Variants in SOD2 observed in about 807,000 individuals in gnomAD.
The protein encoded by SOD2 is superoxide dismutase [Mn], mitochondrial.
Under a neutral mutation model 27.0 loss-of-function variants are expected in SOD2, and 11 were observed. That is an observed-to-expected ratio of 0.41 (90% confidence interval 0.26 to 0.67). SOD2 has a LOEUF of 0.67. Ranked by LOEUF, SOD2 falls within the 30% of genes least tolerant of loss-of-function variation. The probability of loss-of-function intolerance (pLI) is 0.34; values close to 1 mark genes in which losing one functional copy is unlikely to be tolerated. For synonymous variants in SOD2, 105 were observed against 103.0 expected (o/e 1.02, Z -0.12); for missense variants, 250 against 274.5 (o/e 0.91, Z 0.63).
In SOD2 at chr6:159,672,879, T is replaced by A. The variant is rs1779699210; in HGVS notation, c.*9614A>T. 1 of 148,524 alleles carries A rather than the reference T, an allele frequency of 6.7e-6. No homozygotes were observed. The highest frequency in any genetic ancestry group is 2.5e-5 in the African/African-American group (1 of 40,178). 9.2% of individuals were successfully genotyped at this position (148,524 alleles called of 1,614,324 possible). A position where few individuals can be genotyped will look rare whatever the true frequency, so the allele number is the denominator to read the frequency against. ...CGTACAGAGACACACACACATAGGC[T>A]CAAAATAAAAGGATGGAGGAAGATC... On this transcript the variant is annotated 3_prime_UTR_variant, in exon 5 of 5. Transcript: ENST00000538183.
At chr6:159,720,455 G>T (rs1413171386) in intron 1 of SOD2, 2 of 153,046 alleles carry the variant, frequency 1.3e-5, no homozygotes, top group South Asian at 1.8e-4. Flanking sequence ...AGCTCTAGTT[G>T]ATTTCGGTGT....
upstream of SOD2, among the ~76,000 whole-genome samples, chr6:159,729,445 T>G (rs965506158): frequency 7.2e-5 from 11 of 152,234 alleles, no homozygotes; most frequent in African/African-American, 2.7e-4. Context: ...TAACAAGATG[T>G]TCCATCTGAC....
At chr6:159,728,722 G>A (rs1408542504), upstream of SOD2, among the ~76,000 whole-genome samples, 1 of 152,220 alleles carries the variant, frequency 6.6e-6, no homozygotes, top group Non-Finnish European at 1.5e-5. Flanking sequence ...CATCTGATTA[G>A]CCAAGTCGGG....
intron 1 of SOD2, among the ~76,000 whole-genome samples, chr6:159,735,777 T>C: frequency 6.6e-6 from 1 of 151,918 alleles, no homozygotes; most frequent in Non-Finnish European, 1.5e-5. Context: ...ATATATAATA[T>C]ATCTAAAAAA....
intron 1 of SOD2, chr6:159,726,439 C>T (rs553592224): frequency 5.5e-6 from 1 of 181,982 alleles, no homozygotes; most frequent in East Asian, 1.7e-4. Context: ...AATAAATCAC[C>T]TTACTACAAG....
intron 1 of SOD2, among the ~76,000 whole-genome samples, chr6:159,711,813 TC>T (rs1258859348): frequency 9.1e-5 from 9 of 98,942 alleles, no homozygotes; most frequent in South Asian, 3.5e-4. Context: ...CATAACCACC[TC>T]CATAACCACC....
At chr6:159,693,093 GCCGCGAGCCC>G in intron 1 of SOD2, 42 bp downstream of exon 1, 2 of 1,514,820 alleles carry the variant, frequency 1.3e-6, no homozygotes, top group South Asian at 2.5e-5. Context: ...GGCCCTGCCC[GCCGCGAGCCC>G]CTTCGCCCTT....
chr6:159,698,571 CAAAAA>C (rs66652436), intron 1 of SOD2, among the ~76,000 whole-genome samples: 1,618 of 95,756 alleles, frequency 0.017, 36 homozygotes, highest in African/African-American at 0.05. Flanking sequence ...GACCTTGTCT[CAAAAA>C]AAAAAAAAAA....
chr6:159,735,234 A>G (rs7745398), intron 1 of SOD2, among the ~76,000 whole-genome samples: 47,048 of 151,982 alleles, frequency 0.31, 8,478 homozygotes, highest in African/African-American at 0.5. Flanking sequence ...TCCGCCTCCC[A>G]GGTTCAGGCG....
chr6:159,684,038 C>A (rs2758331), intron 4 of SOD2, among the ~76,000 whole-genome samples: 61,171 of 151,950 alleles, frequency 0.4, 13,616 homozygotes, highest in Non-Finnish European at 0.49. Context: ...TCCAATTAGG[C>A]TCAACAGCAA....
intron 1 of SOD2, among the ~76,000 whole-genome samples, chr6:159,740,148 A>T (rs1562458298): frequency 6.8e-6 from 1 of 146,842 alleles, no homozygotes; most frequent in Non-Finnish European, 1.5e-5. Flanking sequence ...CCTGGCCATG[A>T]TTTTTTTTTT....
exon 1 of SOD2, chr6:159,761,618 G>A (rs1444180279): frequency 2.2e-6 from 1 of 456,084 alleles, no homozygotes; most frequent in Non-Finnish European, 4.4e-6. Context: ...ATTCTCGCCC[G>A]TGGGATTCCA....
At chr6:159,744,350 A>C (rs1211198689) in intron 1 of SOD2, among the ~76,000 whole-genome samples, 1 of 152,220 alleles carries the variant, frequency 6.6e-6, no homozygotes, top group Non-Finnish European at 1.5e-5. Context: ...GTGTAATTAT[A>C]CAAAATAATT....
chr6:159,704,735 T>C (rs900431934), intron 1 of SOD2, among the ~76,000 whole-genome samples: 11 of 152,344 alleles, frequency 7.2e-5, no homozygotes, highest in African/African-American at 2.6e-4. Flanking sequence ...CAGAAACCTC[T>C]GCAGACTTAA....
rs1216470647 is a variant in SOD2 at position 159,681,765 on chromosome 6, T to C, written c.*728A>G. 2 of 149,410 alleles carry C rather than the reference T, an allele frequency of 1.3e-5. No individual in the cohort carries two copies. Among genetic ancestry groups the C allele is most frequent in the Admixed American group, 6.6e-5 (1 of 15,050 alleles). The allele number at this position is 149,410 out of a possible 1,614,324, so 9.3% of individuals were successfully genotyped here. On this transcript the variant is annotated 3_prime_UTR_variant, in exon 5 of 5. Transcript: ENST00000538183. Reference sequence around the variant, plus strand: ...AATTTACCACTGCCTTTAAATACTCTAGCTTGTAGGTCATCATGGAGATTG... The same window carrying C: ...AATTTACCACTGCCTTTAAATACTCCAGCTTGTAGGTCATCATGGAGATTG...
At chr6:159,755,422 G>C (rs370838345) in intron 1 of SOD2, 4 of 1,614,160 alleles carry the variant, frequency 2.5e-6, no homozygotes, top group Admixed American at 3.3e-5. Flanking sequence ...AACTCAGTGC[G>C]GGGTATGAAA....
chr6:159,688,886 G>A (rs1780316555), intron 2 of SOD2, among the ~76,000 whole-genome samples: 1 of 151,974 alleles, frequency 6.6e-6, no homozygotes, highest in African/African-American at 2.4e-5. Flanking sequence ...AGCACACAGA[G>A]AAAAATAAAA....
chr6:159,694,524 A>G (rs1414332285), upstream of SOD2, among the ~76,000 whole-genome samples: 1 of 152,190 alleles, frequency 6.6e-6, no homozygotes, highest in Non-Finnish European at 1.5e-5. Flanking sequence ...GAATGTAACT[A>G]GGGCTACGTG....
upstream of SOD2, among the ~76,000 whole-genome samples, chr6:159,696,237 C>T (rs1055894809): frequency 6.6e-6 from 1 of 152,178 alleles, no homozygotes; most frequent in Non-Finnish European, 1.5e-5. Flanking sequence ...TCCATAATAG[C>T]TTCCACAGCA....
Sources: allele counts gnomAD v4.1 joint callset (sites outside exome capture counted in the v4.1 genomes callset), GRCh38; gene constraint gnomAD v4.1.1; transcripts MANE v1.5; gene names NCBI Gene and HGNC (gene_info 2026-07-23, HGNC 2026-07-21).